Variants in SPOPL observed in about 807,000 individuals in gnomAD.
The protein encoded by SPOPL is speckle type BTB/POZ protein like, also known as speckle-type POZ protein-like.
In SPOPL, 23 loss-of-function variants were observed where a neutral mutation model predicts 53.8. The observed-to-expected ratio is 0.43, with a 90% CI of 0.31 to 0.61. SPOPL has a LOEUF of 0.61. SPOPL is among the 20% of genes least tolerant of loss of function. The probability of loss-of-function intolerance (pLI) is 0.12; values close to 1 mark genes in which losing one functional copy is unlikely to be tolerated. For synonymous variants in SPOPL, 164 were observed against 149.7 expected (o/e 1.10, Z -0.70); for missense variants, 442 against 466.9 (o/e 0.95, Z 0.49).
In SPOPL at chr2:138,550,463, T is replaced by C. The variant is rs1447027002; in HGVS notation, c.79-20T>C. 6.3e-7 allele frequency: 1 copy of C among 1,597,936 alleles called. No homozygotes were observed. The highest frequency in any genetic ancestry group is 1.7e-5 in the Admixed American group (1 of 57,942). On this transcript the variant is annotated intron_variant, in intron 2 of 10. Transcript: ENST00000280098. Reference sequence around the variant, plus strand: ...AGTATTACCGTCATCATTATAAAAGTGGTTTTCTGAATCTCTTAGGTTAAA... The same window carrying C: ...AGTATTACCGTCATCATTATAAAAGCGGTTTTCTGAATCTCTTAGGTTAAA...
chr2:138,540,288 C>T (rs961467601), intron 1 of SPOPL, among the ~76,000 whole-genome samples: 31 of 152,136 alleles, frequency 2.0e-4, no homozygotes, highest in African/African-American at 7.2e-4. Context: ...TGAAGAAAGT[C>T]ATTGGTAGCT....
chr2:138,543,542 G>A (rs1412620809), intron 1 of SPOPL, among the ~76,000 whole-genome samples: 2 of 152,098 alleles, frequency 1.3e-5, no homozygotes, highest in Non-Finnish European at 1.5e-5. Context: ...ACTGAGGCTT[G>A]TGCATTCATC....
chr2:138,566,108 A>G (rs1185805529), intron 10 of SPOPL, among the ~76,000 whole-genome samples: 1 of 152,140 alleles, frequency 6.6e-6, no homozygotes, highest in East Asian at 1.9e-4. Flanking sequence ...GTTTTGATAT[A>G]TGTTAAGTTG....
Position 138,550,983 on chromosome 2 carries a change from C to T in SPOPL, c.281C>T (p.Pro94Leu), listed in dbSNP as rs761188719. ...LSLYLLLVSC[P>L]KSEVRAKFKF... The stretch of plus-strand genomic sequence containing the variant: ...TTATATTTGCTTTTAGTCAGCTGCC[C>T]CAAAAGTGAAGTTCGAGCAAAATTC... Residue 94 changes from proline (P) to leucine (L), a missense_variant, in exon 4 of 11, where the codon CCC (proline) becomes CTC (leucine). Pro to Leu is a moderately conservative substitution (Grantham distance 98). Coordinates refer to ENST00000280098, the MANE Select transcript of SPOPL (RefSeq NM_001001664.3). 7 of 1,613,352 alleles carry T rather than the reference C, an allele frequency of 4.3e-6. No individual in the cohort carries two copies. Among genetic ancestry groups the T allele is most frequent in the Non-Finnish European group, 5.9e-6 (7 of 1,179,570 alleles).
intron 1 of SPOPL, among the ~76,000 whole-genome samples, chr2:138,534,310 A>G (rs549889558): frequency 6.6e-6 from 1 of 152,350 alleles, no homozygotes; most frequent in African/African-American, 2.4e-5. Context: ...AATTTAAAAA[A>G]TCTAATAAAA....
chr2:138,538,950 C>T (rs1051143743), intron 1 of SPOPL, among the ~76,000 whole-genome samples: 2 of 152,030 alleles, frequency 1.3e-5, no homozygotes, highest in African/African-American at 4.8e-5. Context: ...TTCCTGTGTT[C>T]GTGTGTTCTC....
At chr2:138,536,348 A>ACACACACACACACACACG (rs1684935357) in intron 1 of SPOPL, among the ~76,000 whole-genome samples, 1 of 149,510 alleles carries the variant, frequency 6.7e-6, no homozygotes, top group Non-Finnish European at 1.5e-5. Flanking sequence ...CCCCCCCCCC[A>ACACACACACACACACACG]CACACACACA....
chr2:138,518,519 A>G (rs1187315675), intron 1 of SPOPL, among the ~76,000 whole-genome samples: 1 of 152,248 alleles, frequency 6.6e-6, no homozygotes, highest in East Asian at 1.9e-4. Flanking sequence ...TTTAATTTAC[A>G]AAGTTTTATA....
At chr2:138,509,830 T>C (rs1434216127) in intron 1 of SPOPL, among the ~76,000 whole-genome samples, 1 of 152,182 alleles carries the variant, frequency 6.6e-6, no homozygotes, top group African/African-American at 2.4e-5. Context: ...GTATATTCTA[T>C]GGGTTTGGAC....
intron 1 of SPOPL, among the ~76,000 whole-genome samples, chr2:138,516,653 A>T (rs899635368): frequency 6.6e-6 from 1 of 152,184 alleles, no homozygotes; most frequent in Admixed American, 6.5e-5. Flanking sequence ...GAACCTAACT[A>T]CCAGTAGAAG....
In SPOPL at chr2:138,572,995, C is replaced by T. The variant is rs1685819387; in HGVS notation, c.*3915C>T. The T allele has an allele frequency of 6.6e-6, 1 of 152,204 alleles. No homozygotes were observed. Among genetic ancestry groups the T allele is most frequent in the Admixed American group, 6.6e-5 (1 of 15,260 alleles). The allele number at this position is 152,204 out of a possible 1,614,324, so 9.4% of individuals were successfully genotyped here. ...TCAGTTTTAAAAAATGAAGATGTAA[C>T]TTACCTGAGTCTCATTTTTGAAAAT... On this transcript the variant is annotated 3_prime_UTR_variant, in exon 11 of 11. Coordinates refer to ENST00000280098, the MANE Select transcript of SPOPL (RefSeq NM_001001664.3).
chr2:138,537,399 A>G (rs1684961094), intron 1 of SPOPL, among the ~76,000 whole-genome samples: 1 of 152,164 alleles, frequency 6.6e-6, no homozygotes, highest in Non-Finnish European at 1.5e-5. Flanking sequence ...GGAACAGAAC[A>G]GTACGGGGAT....
chr2:138,555,085 G>A (rs1010622860), intron 5 of SPOPL, among the ~76,000 whole-genome samples: 5 of 151,730 alleles, frequency 3.3e-5, no homozygotes, highest in Non-Finnish European at 4.4e-5. Flanking sequence ...GTGAGAAAGA[G>A]ACAGAAGAGG....
At chr2:138,562,962 A>G (rs975890057) in intron 8 of SPOPL, among the ~76,000 whole-genome samples, 17 of 152,114 alleles carry the variant, frequency 1.1e-4, no homozygotes, top group African/African-American at 3.6e-4. Context: ...TAAAATTTCA[A>G]CTTCTTTTCT....
chr2:138,556,999 A>G (rs1685439167), intron 5 of SPOPL, among the ~76,000 whole-genome samples: 1 of 152,078 alleles, frequency 6.6e-6, no homozygotes, highest in African/African-American at 2.4e-5. Flanking sequence ...TACTAAAAAT[A>G]CAAAAGATTA....
intron 1 of SPOPL, among the ~76,000 whole-genome samples, chr2:138,525,565 C>T (rs1383692172): frequency 6.6e-6 from 1 of 151,020 alleles, no homozygotes; most frequent in East Asian, 1.9e-4. Flanking sequence ...CACCTGTAAT[C>T]CCAGCACTTT....
intron 8 of SPOPL, among the ~76,000 whole-genome samples, chr2:138,561,772 G>T (rs1028170557): frequency 1.1e-4 from 16 of 152,040 alleles, no homozygotes; most frequent in African/African-American, 3.9e-4. Flanking sequence ...AATTACAAAG[G>T]TATTATGTGA....
intron 1 of SPOPL, among the ~76,000 whole-genome samples, chr2:138,517,531 G>A (rs985841613): frequency 6.6e-6 from 1 of 151,344 alleles, no homozygotes; most frequent in Non-Finnish European, 1.5e-5. Context: ...GCAAGGTCAG[G>A]AGATCGAGAC....
intron 8 of SPOPL, among the ~76,000 whole-genome samples, chr2:138,563,969 CAAAAT>C (rs1030061664): frequency 6.6e-5 from 10 of 152,068 alleles, no homozygotes; most frequent in African/African-American, 2.2e-4. Flanking sequence ...TCATGATTCT[CAAAAT>C]AATTATACTG....
Sources: gnomAD v4.1 joint callset for allele counts (sites outside exome capture counted in the v4.1 genomes callset) on GRCh38, gnomAD v4.1.1 for gene constraint, MANE v1.5 for transcripts, NCBI Gene and HGNC (gene_info 2026-07-23, HGNC 2026-07-21) for gene names.